ARHGEF9: variants seen among roughly 807,000 people sequenced by gnomAD.
ARHGEF9 encodes the protein rho guanine nucleotide exchange factor 9.
In ARHGEF9, 2 loss-of-function variants were observed where a neutral mutation model predicts 41.3. That is an observed-to-expected ratio of 0.05 (90% CI 0.02 to 0.15). The LOEUF (loss-of-function observed/expected upper bound fraction) is 0.15. ARHGEF9 is among the 10% of genes least tolerant of loss of function. The pLI is 1.00. For synonymous variants in ARHGEF9, 160 were observed against 154.4 expected, an observed-to-expected ratio of 1.04 and a Z score of -0.27; for missense variants, 225 against 424.7, an observed-to-expected ratio of 0.53 and a Z score of 4.13.
intron 2 of ARHGEF9, among the ~76,000 whole-genome samples, chrX:63,709,509 T>A (rs782552604): frequency 8.9e-6 from 1 of 111,754 alleles, no homozygotes; most frequent in African/African-American, 3.3e-5. Flanking sequence ...CTTTTATACC[T>A]GAACAAGTCC....
chrX:63,713,312 C>T (rs112230434), intron 2 of ARHGEF9, among the ~76,000 whole-genome samples: 2,748 of 110,344 alleles, frequency 0.025, 76 homozygotes, highest in African/African-American at 0.087. Context: ...TAGTCCATGC[C>T]ACCCCTTGCT....
At chrX:63,645,423 C>T (rs1372827039) in intron 8 of ARHGEF9, among the ~76,000 whole-genome samples, 1 of 111,046 alleles carries the variant, frequency 9.0e-6, no homozygotes. Context: ...GTTCCCCTTC[C>T]TGTGTCCATG....
intron 7 of ARHGEF9, among the ~76,000 whole-genome samples, chrX:63,665,230 C>G (rs1556346311): frequency 1.8e-5 from 2 of 112,116 alleles, no homozygotes; most frequent in East Asian, 5.6e-4. Context: ...CCCAGCCTCA[C>G]AAAGGAGAAG....
At chrX:63,734,356 T>C (rs2054489350) in intron 1 of ARHGEF9, among the ~76,000 whole-genome samples, 1 of 112,279 alleles carries the variant, frequency 8.9e-6, no homozygotes, top group South Asian at 3.7e-4. Flanking sequence ...CAAAATATCT[T>C]GGAAACAGGA....
chrX:63,695,276 T>C (rs2051657943), intron 4 of ARHGEF9, among the ~76,000 whole-genome samples: 1 of 111,893 alleles, frequency 8.9e-6, no homozygotes, highest in Non-Finnish European at 1.9e-5. Context: ...CCCCATTCAA[T>C]ACTATGTTTC....
At chrX:63,781,601 T>C (rs1556462175) in intron 1 of ARHGEF9, among the ~76,000 whole-genome samples, 1 of 111,851 alleles carries the variant, frequency 8.9e-6, no homozygotes, top group African/African-American at 3.3e-5. Context: ...TCATTTCATA[T>C]AGATCATCTC....
chrX:63,643,712 TTAAG>T (rs1440831769), intron 9 of ARHGEF9, among the ~76,000 whole-genome samples: 1 of 108,664 alleles, frequency 9.2e-6, no homozygotes, highest in African/African-American at 3.4e-5. Context: ...TCCCTTATTT[TTAAG>T]TAAAAAAAAA....
At chrX:63,675,209 A>G (rs781939474) in intron 5 of ARHGEF9, among the ~76,000 whole-genome samples, 1 of 111,606 alleles carries the variant, frequency 9.0e-6, no homozygotes, top group East Asian at 2.8e-4. Flanking sequence ...ATGGACCACT[A>G]TTTTGTTACA....
At chrX:63,735,197 G>T (rs782589466) in intron 1 of ARHGEF9, among the ~76,000 whole-genome samples, 5 of 111,651 alleles carry the variant, frequency 4.5e-5, no homozygotes, top group African/African-American at 6.5e-5. Context: ...TCCCTTAGGC[G>T]ACCTAAACTC....
chrX:63,685,546 A>AT (rs782792720), intron 4 of ARHGEF9, among the ~76,000 whole-genome samples: 2 of 112,203 alleles, frequency 1.8e-5, no homozygotes, highest in Non-Finnish European at 3.8e-5. Flanking sequence ...TGGAGGAGTT[A>AT]TGCTATCTGA....
intron 4 of ARHGEF9, among the ~76,000 whole-genome samples, chrX:63,683,914 T>C (rs1356060681): frequency 9.0e-6 from 1 of 110,804 alleles, no homozygotes; most frequent in Non-Finnish European, 1.9e-5. Context: ...ACTGCTGTGC[T>C]TTTTTATATG....
At chrX:63,646,962 A>T (rs1376022996) in intron 8 of ARHGEF9, among the ~76,000 whole-genome samples, 1 of 110,943 alleles carries the variant, frequency 9.0e-6, no homozygotes, top group Non-Finnish European at 1.9e-5. Flanking sequence ...TGTAAGTTGG[A>T]TTCCTAGGTA....
chrX:63,727,596 A>C (rs1556417827), intron 1 of ARHGEF9: 1 of 112,123 alleles, frequency 8.9e-6, no homozygotes, highest in Non-Finnish European at 1.9e-5. Context: ...AGCCTTCTGG[A>C]CTAGTGTTTT....
intron 3 of ARHGEF9, among the ~76,000 whole-genome samples, chrX:63,699,256 G>A (rs1569477920): frequency 8.9e-6 from 1 of 111,788 alleles, no homozygotes; most frequent in Non-Finnish European, 1.9e-5. Flanking sequence ...GGGGAAAACA[G>A]TAACAGTGGC....
chrX:63,783,166 C>T (rs1398920379), intron 1 of ARHGEF9, among the ~76,000 whole-genome samples: 2 of 111,924 alleles, frequency 1.8e-5, no homozygotes, highest in Non-Finnish European at 3.8e-5. Context: ...CAATGAGTGG[C>T]TCTGGGCCCC....
chrX:63,684,711 C>T (rs782254047), intron 4 of ARHGEF9, among the ~76,000 whole-genome samples: 32 of 109,528 alleles, frequency 2.9e-4, no homozygotes, highest in South Asian at 2.3e-3. Flanking sequence ...TAATAAATTA[C>T]CTCTATTTTT....
intron 1 of ARHGEF9, among the ~76,000 whole-genome samples, chrX:63,779,564 T>C (rs1245598625): frequency 2.7e-5 from 3 of 111,805 alleles, no homozygotes; most frequent in Non-Finnish European, 5.6e-5. Flanking sequence ...TTATGGGAAC[T>C]AAAATTCAAG....
intron 4 of ARHGEF9, among the ~76,000 whole-genome samples, chrX:63,696,477 C>T (rs149442428): frequency 1.8e-3 from 199 of 111,319 alleles, no homozygotes; most frequent in Non-Finnish European, 2.4e-3. Flanking sequence ...GGACTCAAAT[C>T]GTCACTATCC....
chrX:63,643,077 C>T (rs1301092730), intron 9 of ARHGEF9, among the ~76,000 whole-genome samples: 1 of 112,240 alleles, frequency 8.9e-6, no homozygotes, highest in African/African-American at 3.2e-5. Context: ...GTGACTGACA[C>T]TGAATAGGTA....
Sources: gnomAD v4.1 joint callset for allele counts (sites outside exome capture counted in the v4.1 genomes callset) on GRCh38, gnomAD v4.1.1 for gene constraint, MANE v1.5 for transcripts, NCBI Gene and HGNC (gene_info 2026-07-23, HGNC 2026-07-21) for gene names.